The following NLK variants were observed in gnomAD, a reference collection of about 807,000 sequenced individuals.
The protein encoded by NLK is nemo like kinase.
In NLK, 11 loss-of-function variants were observed where a neutral mutation model predicts 59.0. That is an observed-to-expected ratio of 0.19 (90% CI 0.12 to 0.31). NLK has a LOEUF of 0.31. Among genes scored for constraint, NLK ranks in the 10% least tolerant of loss-of-function variants. The pLI is 1.00. For missense variants in NLK, 410 were observed against 661.1 expected (o/e 0.62, Z 4.16); for synonymous variants, 235 against 235.9 (o/e 1.00, Z 0.03).
downstream of NLK, among the ~76,000 whole-genome samples, chr17:28,199,526 C>T (rs544052988): frequency 1.1e-4 from 17 of 151,734 alleles, no homozygotes; most frequent in Non-Finnish European, 2.1e-4. Flanking sequence ...ATTAGCCAGG[C>T]GTGGTGATGG....
intron 1 of NLK, among the ~76,000 whole-genome samples, chr17:28,069,309 T>C (rs993208093): frequency 5.9e-5 from 9 of 152,254 alleles, no homozygotes; most frequent in African/African-American, 2.2e-4. Context: ...TAGCACAGTT[T>C]GTTTATCCAT....
chr17:28,071,091 A>G (rs1158190783), intron 1 of NLK, among the ~76,000 whole-genome samples: 1 of 152,182 alleles, frequency 6.6e-6, no homozygotes, highest in Non-Finnish European at 1.5e-5. Context: ...TGCCTCCACC[A>G]CTAAATGCTA....
chr17:28,098,743 C>T (rs1203225568), intron 1 of NLK, among the ~76,000 whole-genome samples: 4 of 135,008 alleles, frequency 3.0e-5, no homozygotes, highest in Non-Finnish European at 6.0e-5. Flanking sequence ...AGTGCAATGG[C>T]GCCATCTCGG....
chr17:28,094,406 T>A (rs1009777972), intron 1 of NLK, among the ~76,000 whole-genome samples: 2 of 152,240 alleles, frequency 1.3e-5, no homozygotes, highest in East Asian at 3.8e-4. Context: ...TTACTAGTAG[T>A]GCATTATTAA....
chr17:28,203,164 T>TACACACACACACAC, the NLK span, among the ~76,000 whole-genome samples: 839 of 137,012 alleles, frequency 6.1e-3, 5 homozygotes, highest in African/African-American at 7.2e-3. Context: ...TATACATACA[T>TACACACACACACAC]ACACACACAC....
intron 3 of NLK, among the ~76,000 whole-genome samples, chr17:28,145,285 C>A (rs1389912938): frequency 6.6e-6 from 1 of 152,140 alleles, no homozygotes; most frequent in East Asian, 1.9e-4. Flanking sequence ...AATATTAATC[C>A]TTTTCTGTAA....
At chr17:28,171,177 A>G (rs911159066) in intron 6 of NLK, 2 of 152,200 alleles carry the variant, frequency 1.3e-5, no homozygotes, top group African/African-American at 4.8e-5. Flanking sequence ...CTTTTCCCAA[A>G]AAGCTTTGTA....
Position 28,126,256 on chromosome 17 carries a change from G to A in NLK, c.588+3524G>A, listed in dbSNP as rs575941837. Among the ~76,000 whole-genome samples the A allele has an allele frequency of 1.9e-4, 29 of 152,300 alleles. No individual in the cohort carries two copies. The South Asian group carries it at 4.8e-3, about 25-fold the overall frequency. ...CTAGAAATGTATTCAAAGATTCCCT[G>A]GAGAGGGGGACCTTAAAACACAGAT... On this transcript the variant is annotated intron_variant, in intron 2 of 10. Transcript: ENST00000407008.
Position 28,192,148 on chromosome 17 carries a change from G to A in NLK, c.1464G>A (p.Gln488=). 1 of 1,608,248 alleles carries A rather than the reference G, an allele frequency of 6.2e-7. No individual in the cohort carries two copies. The highest frequency in any genetic ancestry group is 8.5e-7 in the Non-Finnish European group (1 of 1,176,216). The change falls in exon 10 of 11, where the codon CAG becomes CAA. Residue 488 remains glutamine (Q), a synonymous_variant. Transcript: ENST00000407008. ...TTATTCATCAGTTCATTTTGGAACAGCAGAAAGGAAACAGAGTGCCTCTCT... is the reference window on the plus strand; with the variant it reads ...TTATTCATCAGTTCATTTTGGAACAACAGAAAGGAAACAGAGTGCCTCTCT... The part of the protein sequence containing the change: ...KEIIHQFILE[Q]QKGNRVPLCI...
At chr17:28,123,138 C>T (rs1906137899) in intron 2 of NLK, among the ~76,000 whole-genome samples, 2 of 152,164 alleles carry the variant, frequency 1.3e-5, no homozygotes, top group Admixed American at 1.3e-4. Context: ...GAAAATTACA[C>T]TATGAATTGT....
chr17:28,059,118 C>T (rs541425859), intron 1 of NLK, among the ~76,000 whole-genome samples: 2 of 151,184 alleles, frequency 1.3e-5, no homozygotes, highest in African/African-American at 4.9e-5. Flanking sequence ...AGAGCCAGAT[C>T]CTGTCTCAAA....
intron 1 of NLK, among the ~76,000 whole-genome samples, chr17:28,074,353 G>A (rs1213316884): frequency 2.6e-5 from 4 of 152,116 alleles, no homozygotes; most frequent in African/African-American, 4.8e-5. Flanking sequence ...AAAAAATTAC[G>A]CACTTTGTAT....
intron 1 of NLK, among the ~76,000 whole-genome samples, chr17:28,100,531 A>G (rs1904868363): frequency 6.6e-6 from 1 of 152,122 alleles, no homozygotes; most frequent in Admixed American, 6.5e-5. Context: ...GCATACTTTT[A>G]TGAGCTTATT....
chr17:28,158,222 G>A (rs1029220652), intron 3 of NLK, among the ~76,000 whole-genome samples: 10 of 152,146 alleles, frequency 6.6e-5, no homozygotes, highest in South Asian at 6.2e-4. Context: ...ACATGTTACC[G>A]TACTGAATAC....
chr17:28,135,214 AT>A (rs1479194912), intron 3 of NLK, among the ~76,000 whole-genome samples: 1 of 152,186 alleles, frequency 6.6e-6, no homozygotes, highest in Non-Finnish European at 1.5e-5. Context: ...ATTTTGCTAT[AT>A]TTTAGCATGT....
intron 1 of NLK, among the ~76,000 whole-genome samples, chr17:28,072,721 C>G (rs1910045732): frequency 2.0e-5 from 3 of 151,884 alleles, no homozygotes; most frequent in South Asian, 4.2e-4. Flanking sequence ...TTTCAGTTGC[C>G]CTTGAAATTT....
chr17:28,098,288 G>A (rs1904772404), intron 1 of NLK, among the ~76,000 whole-genome samples: 1 of 152,118 alleles, frequency 6.6e-6, no homozygotes, highest in Admixed American at 6.5e-5. Context: ...AAGTCCAAAG[G>A]TAATTGTTTA....
At chr17:28,125,335 G>C (rs1006666409) in intron 2 of NLK, among the ~76,000 whole-genome samples, 1 of 152,202 alleles carries the variant, frequency 6.6e-6, no homozygotes, top group Non-Finnish European at 1.5e-5. Flanking sequence ...TCAGAACTAG[G>C]TTTGAATTGT....
intron 7 of NLK, among the ~76,000 whole-genome samples, chr17:28,179,400 T>A (rs1031335992): frequency 1.3e-5 from 2 of 151,528 alleles, no homozygotes; most frequent in Admixed American, 6.6e-5. Context: ...TAGCCTTTTT[T>A]ATTTTATTTT....
Sources: allele counts gnomAD v4.1 joint callset (sites outside exome capture counted in the v4.1 genomes callset), GRCh38; gene constraint gnomAD v4.1.1; transcripts MANE v1.5; gene names NCBI Gene and HGNC (gene_info 2026-07-23, HGNC 2026-07-21).